TAF1: variants seen among roughly 807,000 people sequenced by gnomAD.
The protein encoded by TAF1 is TATA-box binding protein associated factor 1, also known as transcription initiation factor TFIID subunit 1.
Under a neutral mutation model 138.5 loss-of-function variants are expected in TAF1, and 2 were observed. The ratio of observed to expected loss-of-function variants is 0.01; its 90% CI spans 0.01 to 0.05. The LOEUF (loss-of-function observed/expected upper bound fraction) is 0.05. Among genes scored for constraint, TAF1 ranks in the 10% least tolerant of loss-of-function variants. TAF1 has a pLI of 1.00. For missense variants in TAF1, 709 were observed against 1,478.0 expected (o/e 0.48, Z 8.53); for synonymous variants, 437 against 503.2 (o/e 0.87, Z 1.76).
chrX:71,370,034 A>G (rs1283181234), intron 3 of TAF1, among the ~76,000 whole-genome samples: 2 of 109,888 alleles, frequency 1.8e-5, no homozygotes, highest in Non-Finnish European at 3.8e-5. Context: ...AGACCAGCCT[A>G]GGCAACATGG....
downstream of TAF1, among the ~76,000 whole-genome samples, chrX:71,469,505 C>A (rs891367961): frequency 9.3e-6 from 1 of 108,088 alleles, no homozygotes; most frequent in African/African-American, 3.4e-5. Flanking sequence ...ACCAGCCTAG[C>A]AACATAGGGA....
At chrX:71,386,054 G>A (rs1390269440) in intron 14 of TAF1, among the ~76,000 whole-genome samples, 11 of 109,785 alleles carry the variant, frequency 1.0e-4, no homozygotes, top group African/African-American at 3.6e-4. Context: ...CCAGCTACTC[G>A]GGAGGCCGAG....
chrX:71,449,474 AGAGG>A (rs2037854797), intron 32 of TAF1, among the ~76,000 whole-genome samples: 2 of 112,654 alleles, frequency 1.8e-5, no homozygotes, highest in African/African-American at 6.4e-5. Flanking sequence ...TGGGTAAGGA[AGAGG>A]TCCCATTTTC....
chrX:71,382,104 G>A (rs1165967213), intron 9 of TAF1, among the ~76,000 whole-genome samples, 185 bp downstream of exon 9: 1 of 112,015 alleles, frequency 8.9e-6, no homozygotes, highest in Admixed American at 9.5e-5. Flanking sequence ...GAACACTCAC[G>A]TAGGAATGTT....
chrX:71,367,112 C>T (rs1382391811), intron 1 of TAF1, among the ~76,000 whole-genome samples: 4 of 112,278 alleles, frequency 3.6e-5, no homozygotes, highest in African/African-American at 1.3e-4. Context: ...GTGGCCCCTC[C>T]TGTGCCGCAG....
chrX:71,397,541 G>A (rs1344824376), intron 23 of TAF1, 75 bp downstream of exon 23: 85 of 1,124,619 alleles, frequency 7.6e-5, no homozygotes, highest in South Asian at 1.7e-4. Context: ...GGAGTGCAGC[G>A]GCGTGATCTT....
rs1277052701 is a variant in TAF1, at chrX:71,528,276, G to T, written c.1367-266G>T. On this transcript the variant is annotated intron_variant and NMD_transcript_variant, in intron 13 of 14. Coordinates refer to the TAF1 transcript ENST00000373775. ...TTGCCCCCAGCACCATTATTATTTT[G>T]CAGGTTTTTTCAGCTCCTCTGTAAG... 6 of 261,281 alleles carry T rather than the reference G, an allele frequency of 2.3e-5. No homozygotes were observed. The Admixed American group carries it at 3.0e-4, about 13-fold the overall frequency. 21.5% of individuals were successfully genotyped at this position (261,281 alleles called of 1,213,427 possible).
chrX:71,368,026 G>C, intron 2 of TAF1, 28 bp from the exon 3 acceptor site: 1 of 1,183,620 alleles, frequency 8.4e-7, no homozygotes, highest in Non-Finnish European at 1.1e-6. Flanking sequence ...GCTTACTGTT[G>C]TTGCGATTCT....
intron 28 of TAF1, chrX:71,420,352 A>G: frequency 1.9e-5 from 23 of 1,200,844 alleles, no homozygotes; most frequent in Non-Finnish European, 2.6e-5. Flanking sequence ...AACTCTATAT[A>G]TGCAAACCCT....
In TAF1 at chrX:71,382,675, A is replaced by G; in HGVS notation, c.1665+12A>G. ...AGGAACCACAGCAGGTGTGTGAAGA[A>G]AAAAGGGGCTTGGTGTTTAGAAGAA... On this transcript the variant is annotated intron_variant, in intron 10 of 37. Coordinates refer to ENST00000423759, the MANE Select transcript of TAF1 (RefSeq NM_004606.5). The G allele has an allele frequency of 1.7e-6, 2 of 1,206,201 alleles. No individual in the cohort carries two copies. Among genetic ancestry groups the G allele is most frequent in the East Asian group, 5.9e-5 (2 of 33,811 alleles).
chrX:71,427,337 A>G (rs2036640689), intron 32 of TAF1, among the ~76,000 whole-genome samples: 1 of 111,983 alleles, frequency 8.9e-6, no homozygotes, highest in African/African-American at 3.2e-5. Flanking sequence ...TCAATTATCC[A>G]TTATTGTTTT....
chrX:71,480,551 A>G (rs1208672878), intron 13 of TAF1, among the ~76,000 whole-genome samples: 1 of 112,063 alleles, frequency 8.9e-6, no homozygotes, highest in Non-Finnish European at 1.9e-5. Flanking sequence ...TAATTCATAT[A>G]TTCATTCAAT....
intron 9 of TAF1, among the ~76,000 whole-genome samples, chrX:71,382,296 C>T (rs886222999): frequency 1.9e-5 from 2 of 107,981 alleles, no homozygotes; most frequent in Admixed American, 2.0e-4. Flanking sequence ...AGATGTCAAG[C>T]GTGTAGTTCA....
intron 37 of TAF1, 169 bp downstream of exon 37, chrX:71,460,972 C>G: frequency 1.7e-6 from 1 of 582,603 alleles, no homozygotes; most frequent in Non-Finnish European, 2.7e-6. Context: ...CATATCCTGC[C>G]CTTGAGGAGC....
intron 24 of TAF1, among the ~76,000 whole-genome samples, chrX:71,400,515 GT>G (rs1173705882): frequency 8.9e-5 from 10 of 111,933 alleles, no homozygotes; most frequent in Non-Finnish European, 1.9e-4. Flanking sequence ...CATACAAGTT[GT>G]TTTCCATAAC....
chrX:71,516,848 G>T (rs2039834143), intron 13 of TAF1, among the ~76,000 whole-genome samples: 1 of 108,849 alleles, frequency 9.2e-6, no homozygotes, highest in South Asian at 4.0e-4. Flanking sequence ...GAGACTACAG[G>T]CTCCTGCCAC....
chrX:71,464,138 GA>G lies in TAF1; in HGVS notation c.*93del. On this transcript the variant is annotated 3_prime_UTR_variant, in exon 38 of 38. Transcript: ENST00000423759. ...ATTTGTTCATATTTGTACAGTATCT[GA>G]TCCTGAAATCATGAAATTAACTAAC... 1.2e-6 allele frequency: 1 copy of G among 823,252 alleles called. No individual in the cohort carries two copies. Among genetic ancestry groups the G allele is most frequent in the Non-Finnish European group, 1.7e-6 (1 of 582,037 alleles). The allele number at this position is 823,252 out of a possible 1,213,427, so 67.8% of individuals were successfully genotyped here.
At chrX:71,469,244 G>T (rs2038834095), downstream of TAF1, among the ~76,000 whole-genome samples, 1 of 111,761 alleles carries the variant, frequency 8.9e-6, no homozygotes, top group Non-Finnish European at 1.9e-5. Flanking sequence ...GTGAGCTATG[G>T]TCACACCACT....
chrX:71,388,011 A>G (rs2034342354), intron 15 of TAF1, among the ~76,000 whole-genome samples: 1 of 111,561 alleles, frequency 9.0e-6, no homozygotes, highest in South Asian at 3.7e-4. Context: ...GAGGCAGGAA[A>G]ATCACTGGAG....
Sources: gnomAD v4.1 joint callset for allele counts (sites outside exome capture counted in the v4.1 genomes callset) on GRCh38, gnomAD v4.1.1 for gene constraint, MANE v1.5 for transcripts, NCBI Gene and HGNC (gene_info 2026-07-23, HGNC 2026-07-21) for gene names.